The following PTPRK variants were observed in gnomAD, a reference collection of about 807,000 sequenced individuals.
The protein encoded by PTPRK is receptor-type tyrosine-protein phosphatase kappa.
Under a neutral mutation model 178.0 loss-of-function variants are expected in PTPRK, and 75 were observed. The ratio of observed to expected loss-of-function variants is 0.42; its 90% CI spans 0.35 to 0.51. PTPRK has a LOEUF of 0.51. Among genes scored for constraint, PTPRK ranks in the 20% least tolerant of loss-of-function variants. The pLI is 0.02. For missense variants in PTPRK, 1,441 were observed against 1,797.8 expected (o/e 0.80, Z 3.59); for synonymous variants, 637 against 620.6 (o/e 1.03, Z -0.39).
intron 18 of PTPRK, among the ~76,000 whole-genome samples, chr6:127,993,714 C>T (rs1254127233): frequency 6.6e-6 from 1 of 151,330 alleles, no homozygotes; most frequent in East Asian, 1.9e-4. Flanking sequence ...AAAATTTTTC[C>T]AAGCTTTATA....
At chr6:128,029,965 T>C (rs949372756) in intron 13 of PTPRK, among the ~76,000 whole-genome samples, 2 of 151,746 alleles carry the variant, frequency 1.3e-5, no homozygotes, top group African/African-American at 2.4e-5. Context: ...GAAAGTAGGG[T>C]AGGAAAGGGA....
intron 11 of PTPRK, among the ~76,000 whole-genome samples, chr6:128,077,970 T>A (rs1412986330): frequency 6.6e-6 from 1 of 152,058 alleles, no homozygotes; most frequent in African/African-American, 2.4e-5. Flanking sequence ...AAAGGCTTCA[T>A]GTGTTCTAAC....
chr6:128,323,610 A>C (rs1829137839), intron 2 of PTPRK, among the ~76,000 whole-genome samples: 1 of 152,160 alleles, frequency 6.6e-6, no homozygotes, highest in Non-Finnish European at 1.5e-5. Flanking sequence ...ACAGATGCAA[A>C]TCATGGCAGA....
chr6:128,197,116 T>C (rs939856552), intron 6 of PTPRK, among the ~76,000 whole-genome samples: 2 of 152,046 alleles, frequency 1.3e-5, no homozygotes, highest in Non-Finnish European at 2.9e-5. Flanking sequence ...CTCCATATTG[T>C]AACTGAAGGG....
At chr6:128,515,640 C>T (rs1477768837) in intron 1 of PTPRK, among the ~76,000 whole-genome samples, 3 of 152,180 alleles carry the variant, frequency 2.0e-5, no homozygotes, top group Admixed American at 1.3e-4. Flanking sequence ...GACTTTTTTC[C>T]TCTTCTAAAA....
At chr6:128,103,555 A>C (rs1014193066) in intron 7 of PTPRK, among the ~76,000 whole-genome samples, 2 of 152,056 alleles carry the variant, frequency 1.3e-5, no homozygotes, top group East Asian at 3.9e-4. Context: ...CCCCTCCTGT[A>C]AGGGGTTTCA....
intron 3 of PTPRK, chr6:128,321,147 A>G (rs1429612787): frequency 6.6e-6 from 1 of 152,166 alleles, no homozygotes; most frequent in Non-Finnish European, 1.5e-5. Flanking sequence ...ATTAGTTTAT[A>G]TATTGCTTGC....
chr6:128,107,781 C>T (rs997879491), intron 7 of PTPRK, among the ~76,000 whole-genome samples: 2 of 152,130 alleles, frequency 1.3e-5, no homozygotes, highest in Admixed American at 6.5e-5. Context: ...GAAAACTTGA[C>T]TCTCTCAGAG....
intron 3 of PTPRK, among the ~76,000 whole-genome samples, chr6:128,275,564 C>G (rs1456967091): frequency 6.6e-6 from 1 of 151,832 alleles, no homozygotes; most frequent in Non-Finnish European, 1.5e-5. Context: ...ATAATGGTTA[C>G]AGTAATGAGA....
intron 15 of PTPRK, among the ~76,000 whole-genome samples, chr6:128,003,630 A>T (rs1778093222): frequency 6.6e-6 from 1 of 151,832 alleles, no homozygotes; most frequent in Admixed American, 6.6e-5. Flanking sequence ...TCATAAGTGG[A>T]TATTTATAGT....
intron 3 of PTPRK, among the ~76,000 whole-genome samples, chr6:128,268,508 G>C (rs1313099321): frequency 6.6e-6 from 1 of 152,010 alleles, no homozygotes; most frequent in East Asian, 1.9e-4. Flanking sequence ...TTGGGAATGG[G>C]GTCCTTATTC....
Position 128,266,734 on chromosome 6 carries a change from G to C in PTPRK, c.496-24132C>G, listed in dbSNP as rs373348033. ...AGAATCCAAGCAAAGCTCACAGGGA[G>C]TCAGAAATAAAACAAACTTGTGCTG... On this transcript the variant is annotated intron_variant, in intron 3 of 29. Coordinates refer to ENST00000368226, the MANE Select transcript of PTPRK (RefSeq NM_002844.4). 6.2e-4 allele frequency among the ~76,000 whole-genome samples: 95 copies of C among 152,196 alleles called. No individual in the cohort carries two copies. The South Asian group carries it at 0.013, about 21-fold the overall frequency.
chr6:128,486,370 AAACT>A (rs1173011230), intron 1 of PTPRK, among the ~76,000 whole-genome samples: 2 of 152,198 alleles, frequency 1.3e-5, no homozygotes, highest in African/African-American at 4.8e-5. Flanking sequence ...ATAAAGTGGT[AAACT>A]AACTATGACA....
chr6:128,011,127 A>G (rs1779005351), intron 13 of PTPRK, among the ~76,000 whole-genome samples: 1 of 151,344 alleles, frequency 6.6e-6, no homozygotes, highest in Non-Finnish European at 1.5e-5. Context: ...GAACATAGTC[A>G]TTGCTTGTAA....
chr6:128,008,084 A>G (rs569665313), intron 14 of PTPRK: 2 of 1,345,230 alleles, frequency 1.5e-6, no homozygotes, highest in South Asian at 1.1e-5. Flanking sequence ...TCCAACATAT[A>G]TATCTCCAGG....
At position 128,218,919 on chromosome 6, in the gene PTPRK, T is replaced by G. The variant is rs748570834; in HGVS notation, c.868+3A>C. 5 of 1,606,284 alleles carry G rather than the reference T, an allele frequency of 3.1e-6. No individual in the cohort carries two copies. The highest frequency in any genetic ancestry group is 2.7e-5 in the African/African-American group (2 of 74,714). On this transcript the variant is annotated splice_donor_region_variant and intron_variant, in intron 6 of 29. Coordinates refer to ENST00000368226, the MANE Select transcript of PTPRK (RefSeq NM_002844.4). ...TCGTGAAGTGAAAACAATTTCACCT[T>G]ACCTCTCACAATAAGTTGAGCAAAA...
At chr6:128,150,327 A>C (rs990015887) in intron 7 of PTPRK, among the ~76,000 whole-genome samples, 1 of 152,182 alleles carries the variant, frequency 6.6e-6, no homozygotes, top group Admixed American at 6.6e-5. Flanking sequence ...CAATAGGCTA[A>C]ATAAATGAAC....
chr6:128,303,259 T>G (rs1342422092), intron 3 of PTPRK, among the ~76,000 whole-genome samples: 1 of 152,154 alleles, frequency 6.6e-6, no homozygotes, highest in African/African-American at 2.4e-5. Flanking sequence ...TGTCTCCCCA[T>G]TCCTAACTAC....
intron 2 of PTPRK, among the ~76,000 whole-genome samples, chr6:128,352,879 A>C (rs544193174): frequency 1.6e-4 from 25 of 152,342 alleles, no homozygotes; most frequent in African/African-American, 6.0e-4. Context: ...TAAGTAATAA[A>C]ATAGTTTGTT....
Sources: allele counts gnomAD v4.1 joint callset (sites outside exome capture counted in the v4.1 genomes callset), GRCh38; gene constraint gnomAD v4.1.1; transcripts MANE v1.5; gene names NCBI Gene and HGNC (gene_info 2026-07-23, HGNC 2026-07-21).